AFDN: variants seen among roughly 807,000 people sequenced by gnomAD.
AFDN encodes afadin, adherens junction formation factor.
In AFDN, 68 loss-of-function variants were observed where a neutral mutation model predicts 216.6. That is an observed-to-expected ratio of 0.31 (90% confidence interval 0.26 to 0.38). The LOEUF (loss-of-function observed/expected upper bound fraction) is 0.38, where lower values mean the gene tolerates loss of function less well. Ranked by LOEUF, AFDN falls within the 10% of genes least tolerant of loss-of-function variation. AFDN has a pLI of 1.00. For synonymous variants in AFDN, 868 were observed against 853.7 expected, an observed-to-expected ratio of 1.02 and a Z score of -0.29; for missense variants, 2,136 against 2,342.0, an observed-to-expected ratio of 0.91 and a Z score of 1.82.
At chr6:167,947,278 C>T (rs947604582) in intron 27 of AFDN, among the ~76,000 whole-genome samples, 23 of 151,792 alleles carry the variant, frequency 1.5e-4, no homozygotes, top group African/African-American at 5.6e-4. Flanking sequence ...CTCCTGGGTT[C>T]ATGCCATTCT....
Position 167,864,605 on chromosome 6 carries a change from A to G in AFDN, c.160A>G (p.Asn54Asp). 1 of 1,614,196 alleles carries G rather than the reference A, an allele frequency of 6.2e-7. No individual in the cohort carries two copies. The highest frequency in any genetic ancestry group is 8.5e-7 in the Non-Finnish European group (1 of 1,180,030). Reference protein sequence around the residue: ...RFYFQDKAAGNFATKCIRVSS... With the variant: ...RFYFQDKAAGDFATKCIRVSS... The stretch of plus-strand genomic sequence containing the variant: ...TTATTTTCAAGATAAAGCTGCTGGA[A>G]ACTTTGCAACAAAATGTATTCGGGT... The change falls in exon 2 of 34, where the codon AAC (asparagine) becomes GAC (aspartate). Residue 54 changes from asparagine to aspartate, a missense_variant. Physicochemically the swap from Asn to Asp is conservative, Grantham distance 23. Coordinates refer to ENST00000683244, the MANE Select transcript of AFDN (RefSeq NM_001386888.1).
chr6:167,922,922 A>G lies in AFDN; in HGVS notation c.2975A>G (p.Asp992Gly). 6.2e-7 allele frequency: 1 copy of G among 1,613,300 alleles called. No individual in the cohort carries two copies. The highest frequency in any genetic ancestry group is 8.5e-7 in the Non-Finnish European group (1 of 1,179,660). ...TGGACAATATATTTTGAAGGTGCAG[A>G]TTATGAAAGTCACCTTCTGCGTGAG... ...GTWTIYFEGA[D>G]YESHLLRENT... The change falls in exon 22 of 34, where the codon GAT becomes GGT. Residue 992 changes from aspartate to glycine, a missense_variant. Around this residue, in one of 8 missense-constraint regions of AFDN, gnomAD observed 162 missense variants for 182.6 expected, o/e 0.89. Coordinates refer to ENST00000683244, the MANE Select transcript of AFDN (RefSeq NM_001386888.1).
intron 1 of AFDN, among the ~76,000 whole-genome samples, chr6:167,856,717 T>C (rs1396039363): frequency 1.3e-5 from 2 of 152,114 alleles, no homozygotes; most frequent in African/African-American, 4.8e-5. Context: ...AAGTTGGTAC[T>C]GTTATCTCCA....
chr6:167,839,842 CAGGCACA>C lies in AFDN; in HGVS notation c.105+12606_105+12612del, dbSNP rs1387215226. On this transcript the variant is annotated intron_variant, in intron 1 of 33. Transcript: ENST00000683244. Reference sequence around the variant, plus strand: ...AATACTCTATTTGGGTGGTGGGAATCAGGCACATGGTTACAGACTGGAGTCTCTAGAT... The same window carrying C: ...AATACTCTATTTGGGTGGTGGGAATCTGGTTACAGACTGGAGTCTCTAGAT... Among the ~76,000 whole-genome samples, 5 of 152,190 alleles carry C rather than the reference CAGGCACA, an allele frequency of 3.3e-5. No homozygotes were observed. In the East Asian group the frequency reaches 9.6e-4, roughly 29 times the overall value.
intron 25 of AFDN, 124 bp from the exon 26 acceptor site, chr6:167,943,817 C>A: frequency 1.2e-6 from 1 of 850,718 alleles, no homozygotes; most frequent in Non-Finnish European, 1.9e-6. Flanking sequence ...GAAGTCAGAA[C>A]CATTACTCAA....
rs201529964 is a variant in AFDN at position 167,957,778 on chromosome 6, G to A, written c.4834-4655G>A. 3.8e-3 allele frequency among the ~76,000 whole-genome samples: 582 copies of A among 152,204 alleles called. 2 individuals are homozygous for A. The highest frequency in any genetic ancestry group is 0.013 in the African/African-American group (548 of 41,536). On this transcript the variant is annotated intron_variant, in intron 30 of 33. Coordinates refer to ENST00000683244, the MANE Select transcript of AFDN (RefSeq NM_001386888.1). The stretch of plus-strand genomic sequence containing the variant: ...ACTGTGGCTGCAGCTTTGCCTGGCT[G>A]CAGCCTCGAGAAGTAGCTAGTCCTT...
At chr6:167,843,265 C>A (rs1781280302) in intron 1 of AFDN, among the ~76,000 whole-genome samples, 1 of 152,230 alleles carries the variant, frequency 6.6e-6, no homozygotes, top group Non-Finnish European at 1.5e-5. Context: ...GGACTCCAGA[C>A]TGCTAAAATG....
intron 1 of AFDN, among the ~76,000 whole-genome samples, chr6:167,833,022 G>C: frequency 6.6e-6 from 1 of 152,230 alleles, no homozygotes; most frequent in East Asian, 1.9e-4. Context: ...GGTATGAACA[G>C]GTTGGACTTG....
In AFDN at chr6:167,917,235, G is replaced by A; in HGVS notation, c.2709+3G>A. ...CTGATGAGCCTTTTATCCCAACGGT[G>A]AGTGGATGTTGCCACATTACCACAC... On this transcript the variant is annotated splice_donor_region_variant and intron_variant, in intron 20 of 33. Transcript: ENST00000683244. The A allele has an allele frequency of 6.3e-7, 1 of 1,583,818 alleles. No individual in the cohort carries two copies.
chr6:167,844,320 C>T (rs1781401372), intron 1 of AFDN, among the ~76,000 whole-genome samples: 1 of 151,824 alleles, frequency 6.6e-6, no homozygotes, highest in African/African-American at 2.4e-5. Context: ...AGGAATGCAC[C>T]ATTGTAGCAC....
intron 13 of AFDN, among the ~76,000 whole-genome samples, chr6:167,908,909 A>G (rs1284657773): frequency 1.3e-5 from 2 of 152,166 alleles, no homozygotes; most frequent in South Asian, 2.1e-4. Context: ...GTCATGAAAA[A>G]TTTAAACGTG....
At chr6:167,914,784 G>A (rs764303431) in intron 18 of AFDN, 46 bp downstream of exon 18, 19 of 1,343,770 alleles carry the variant, frequency 1.4e-5, no homozygotes, top group Middle Eastern at 3.6e-4. Context: ...CTTCCTTCAC[G>A]TTTAGCATCA....
In AFDN at chr6:167,855,997, C is replaced by T. The variant is rs191990123; in HGVS notation, c.106-8554C>T. 2.6e-3 allele frequency among the ~76,000 whole-genome samples: 390 copies of T among 152,252 alleles called. 2 individuals are homozygous for T. The highest frequency in any genetic ancestry group is 0.02 in the Middle Eastern group (6 of 294). On this transcript the variant is annotated intron_variant, in intron 1 of 33. Transcript: ENST00000683244. ...CCAAAAATAAACAACTAATATGTTT[C>T]GAATTGCATGACAGTTTAAATAGTG...
In AFDN at chr6:167,844,871, G is replaced by GT. The variant is rs1781481986; in HGVS notation, c.105+17634_105+17635insT. On this transcript the variant is annotated intron_variant, in intron 1 of 33. Transcript: ENST00000683244. ...TTTCTTTTTTTTTTTTTTTTTTTTTGGTTTTTGAGACAGGGTCTCACTCTG... is the reference window on the plus strand; with the variant it reads ...TTTCTTTTTTTTTTTTTTTTTTTTTGTGTTTTTGAGACAGGGTCTCACTCTG... 3.8e-5 allele frequency among the ~76,000 whole-genome samples: 3 copies of GT among 78,120 alleles called. 1 individual carries two copies. The highest frequency in any genetic ancestry group is 7.7e-5 in the Non-Finnish European group (3 of 39,068). 51.2% of individuals were successfully genotyped at this position (78,120 alleles called of 152,430 possible). A position where few individuals can be genotyped will look rare whatever the true frequency, so the allele number is the denominator to read the frequency against.
Position 167,902,395 on chromosome 6 carries a change from T to C in AFDN, c.1650+9T>C. The C allele has an allele frequency of 6.2e-7, 1 of 1,602,400 alleles. No homozygotes were observed. The highest frequency in any genetic ancestry group is 1.1e-5 in the South Asian group (1 of 90,800). ...CATTACCGACAAGCAAGGTAGGTAATTATGGATTACCTGATAGAAGTGTGC... is the reference window on the plus strand; with the variant it reads ...CATTACCGACAAGCAAGGTAGGTAACTATGGATTACCTGATAGAAGTGTGC... On this transcript the variant is annotated intron_variant, in intron 12 of 33. Coordinates refer to ENST00000683244, the MANE Select transcript of AFDN (RefSeq NM_001386888.1).
intron 31 of AFDN, chr6:167,964,712 C>G: frequency 2.8e-6 from 3 of 1,064,100 alleles, no homozygotes; most frequent in Non-Finnish European, 3.4e-6. Context: ...AAAACAGGGA[C>G]TAACAACTTT....
Position 167,827,242 on chromosome 6 carries a change from G to T in AFDN, c.105+5G>T. 8.8e-7 allele frequency: 1 copy of T among 1,142,624 alleles called. No homozygotes were observed. The highest frequency in any genetic ancestry group is 1.1e-6 in the Non-Finnish European group (1 of 903,902). 70.8% of individuals were successfully genotyped at this position (1,142,624 alleles called of 1,614,324 possible). ...GAGATCAGCCAGCCGACCGAGGTGA[G>T]CACCGCCGGGCGCGGGGCCTGCGCG... On this transcript the variant is annotated splice_donor_5th_base_variant and intron_variant, in intron 1 of 33. Transcript: ENST00000683244.
intron 6 of AFDN, among the ~76,000 whole-genome samples, chr6:167,885,342 C>T (rs757953969): frequency 3.9e-5 from 6 of 152,176 alleles, no homozygotes; most frequent in Non-Finnish European, 8.8e-5. Context: ...TTCTGCCTGT[C>T]TGGGCTTTCG....
chr6:167,876,687 A>G (rs774210287), intron 5 of AFDN, among the ~76,000 whole-genome samples: 4 of 152,242 alleles, frequency 2.6e-5, no homozygotes, highest in Non-Finnish European at 4.4e-5. Context: ...TAGCTAGCTT[A>G]GAGTATCAAT....
Sources: gnomAD v4.1 joint callset for allele counts (sites outside exome capture counted in the v4.1 genomes callset) on GRCh38, gnomAD v4.1.1 for gene constraint, gnomAD v4.1.1 regional missense constraint, MANE v1.5 for transcripts, NCBI Gene and HGNC (gene_info 2026-07-23, HGNC 2026-07-21) for gene names.